The following GALNTL6 variants were observed in gnomAD, a reference collection of about 807,000 sequenced individuals.
GALNTL6 encodes the protein polypeptide N-acetylgalactosaminyltransferase like 6.
GALNTL6 carries 46 observed loss-of-function variants against 73.7 expected under a neutral mutation model. The ratio of observed to expected loss-of-function variants is 0.62; its 90% CI spans 0.49 to 0.80. The LOEUF (loss-of-function observed/expected upper bound fraction) is 0.80, where lower values mean the gene tolerates loss of function less well. Among genes scored for constraint, GALNTL6 ranks in the 30% least tolerant of loss-of-function variants. The probability of loss-of-function intolerance (pLI) is 0.00; values close to 1 mark genes in which losing one functional copy is unlikely to be tolerated. For synonymous variants in GALNTL6, 259 were observed against 263.7 expected, an observed-to-expected ratio of 0.98 and a Z score of 0.17; for missense variants, 604 against 755.0, an observed-to-expected ratio of 0.80 and a Z score of 2.34.
intron 2 of GALNTL6, among the ~76,000 whole-genome samples, chr4:171,954,855 A>T (rs1212829486): frequency 1.3e-5 from 2 of 152,096 alleles, no homozygotes; most frequent in Non-Finnish European, 2.9e-5. Flanking sequence ...AGCACTTTCC[A>T]GTTGTCTCTC....
At chr4:172,393,485 A>C (rs1743739289) in intron 5 of GALNTL6, among the ~76,000 whole-genome samples, 3 of 152,212 alleles carry the variant, frequency 2.0e-5, no homozygotes, top group Non-Finnish European at 2.9e-5. Flanking sequence ...CAGGTTATTA[A>C]GTTTCATTTT....
intron 5 of GALNTL6, among the ~76,000 whole-genome samples, chr4:172,481,323 T>C (rs1165871640): frequency 7.4e-6 from 1 of 134,534 alleles, no homozygotes; most frequent in Non-Finnish European, 1.7e-5. Flanking sequence ...TGGTGAGTGT[T>C]ACAGCTCATA....
chr4:172,267,770 A>G (rs1264207064), intron 3 of GALNTL6, among the ~76,000 whole-genome samples: 1 of 152,106 alleles, frequency 6.6e-6, no homozygotes, highest in Non-Finnish European at 1.5e-5. Context: ...AGTGGGGCAT[A>G]TTTTTTTCTC....
chr4:172,369,731 C>G (rs1742716223), intron 5 of GALNTL6, among the ~76,000 whole-genome samples: 1 of 152,202 alleles, frequency 6.6e-6, no homozygotes, highest in African/African-American at 2.4e-5. Flanking sequence ...CCCCTCACTG[C>G]CCGGGGCCGG....
chr4:172,537,169 C>T (rs1735373507), intron 5 of GALNTL6, among the ~76,000 whole-genome samples: 1 of 152,100 alleles, frequency 6.6e-6, no homozygotes, highest in Non-Finnish European at 1.5e-5. Flanking sequence ...ATGAATGAGA[C>T]TTTGGAGGAC....
intron 5 of GALNTL6, among the ~76,000 whole-genome samples, chr4:172,543,689 C>T (rs1011987110): frequency 6.6e-6 from 1 of 152,204 alleles, no homozygotes; most frequent in African/African-American, 2.4e-5. Flanking sequence ...CTCTTTTCTT[C>T]AACAGGGAGA....
At chr4:171,889,579 G>A (rs527628343) in intron 2 of GALNTL6, among the ~76,000 whole-genome samples, 1 of 152,086 alleles carries the variant, frequency 6.6e-6, no homozygotes, top group Admixed American at 6.6e-5. Flanking sequence ...TACTTTTTCT[G>A]GATGCCCATC....
chr4:172,680,484 T>C (rs925149267), intron 5 of GALNTL6, among the ~76,000 whole-genome samples: 4 of 152,108 alleles, frequency 2.6e-5, no homozygotes, highest in Non-Finnish European at 4.4e-5. Context: ...GGAAAATTCA[T>C]TGGAAATTAA....
At chr4:172,670,687 G>A (rs1301725824) in intron 5 of GALNTL6, among the ~76,000 whole-genome samples, 1 of 151,952 alleles carries the variant, frequency 6.6e-6, no homozygotes, top group Non-Finnish European at 1.5e-5. Flanking sequence ...TGCTTTTGTT[G>A]CAATTGCTTT....
chr4:171,814,906 T>G, intron 2 of GALNTL6, 188 bp downstream of exon 2: 1 of 607,694 alleles, frequency 1.6e-6, no homozygotes, highest in East Asian at 2.7e-5. Context: ...GCCAGTAACA[T>G]CGTGACATGT....
At chr4:171,825,482 C>G (rs1419578717) in intron 2 of GALNTL6, among the ~76,000 whole-genome samples, 1 of 152,114 alleles carries the variant, frequency 6.6e-6, no homozygotes, top group African/African-American at 2.4e-5. Flanking sequence ...ATGGAATTGT[C>G]CCCCCTCTTA....
chr4:172,972,619 T>C (rs943426929), intron 10 of GALNTL6, among the ~76,000 whole-genome samples: 2 of 152,166 alleles, frequency 1.3e-5, no homozygotes, highest in Non-Finnish European at 2.9e-5. Context: ...GAACTAAAGA[T>C]TCATGAAGAA....
chr4:171,821,707 A>G (rs1455307066), intron 2 of GALNTL6, among the ~76,000 whole-genome samples: 5 of 151,268 alleles, frequency 3.3e-5, no homozygotes, highest in African/African-American at 4.9e-5. Context: ...CATTGCCTTT[A>G]CCAAGGTAAT....
intron 2 of GALNTL6, among the ~76,000 whole-genome samples, chr4:172,048,822 T>G (rs1742289011): frequency 6.6e-6 from 1 of 152,132 alleles, no homozygotes; most frequent in Non-Finnish European, 1.5e-5. Flanking sequence ...CAGAGCACAA[T>G]GCTCCAATTT....
intron 5 of GALNTL6, among the ~76,000 whole-genome samples, chr4:172,614,821 C>G (rs183339412): frequency 1.3e-5 from 2 of 152,214 alleles, no homozygotes; most frequent in African/African-American, 4.8e-5. Flanking sequence ...CTGTCCTTGA[C>G]TTTCTGCTTA....
intron 2 of GALNTL6, among the ~76,000 whole-genome samples, chr4:172,103,439 C>A (rs1024090991): frequency 2.0e-5 from 3 of 152,026 alleles, no homozygotes. Context: ...CTTAATGGAA[C>A]TATATATATA....
chr4:171,882,423 C>T (rs978539238), intron 2 of GALNTL6, among the ~76,000 whole-genome samples: 6 of 152,150 alleles, frequency 3.9e-5, no homozygotes, highest in Non-Finnish European at 8.8e-5. Context: ...AGTTTATAAG[C>T]AGAATTGACT....
At chr4:172,473,888 G>A (rs1050725110) in intron 5 of GALNTL6, among the ~76,000 whole-genome samples, 2 of 151,986 alleles carry the variant, frequency 1.3e-5, no homozygotes, top group Admixed American at 6.6e-5. Flanking sequence ...TGTTTTCTTC[G>A]AGTCTATGTT....
At chr4:171,870,811 G>A (rs1736115132) in intron 2 of GALNTL6, among the ~76,000 whole-genome samples, 1 of 152,154 alleles carries the variant, frequency 6.6e-6, no homozygotes, top group South Asian at 2.1e-4. Flanking sequence ...TATAAGCCAA[G>A]GATCTTCTAG....
Sources: allele counts gnomAD v4.1 joint callset (sites outside exome capture counted in the v4.1 genomes callset), GRCh38; gene constraint gnomAD v4.1.1; transcripts MANE v1.5; gene names NCBI Gene and HGNC (gene_info 2026-07-23, HGNC 2026-07-21).